GRIN2B: variants seen among roughly 807,000 people sequenced by gnomAD.
GRIN2B encodes the protein glutamate receptor ionotropic, NMDA 2B.
GRIN2B carries 5 observed loss-of-function variants against 114.5 expected under a neutral mutation model. The observed-to-expected ratio is 0.04, with a 90% CI of 0.02 to 0.09. The LOEUF (loss-of-function observed/expected upper bound fraction) is 0.09. Among genes scored for constraint, GRIN2B ranks in the 10% least tolerant of loss-of-function variants. The pLI is 1.00. For missense variants in GRIN2B, 1,108 were observed against 1,943.5 expected, an observed-to-expected ratio of 0.57 and a Z score of 8.08; for synonymous variants, 787 against 745.1, an observed-to-expected ratio of 1.06 and a Z score of -0.92.
intron 4 of GRIN2B, among the ~76,000 whole-genome samples, chr12:13,698,828 G>A (rs575185418): frequency 1.8e-4 from 27 of 152,126 alleles, no homozygotes; most frequent in East Asian, 1.2e-3. Context: ...GACTACAGGC[G>A]CGCACCACCA....
intron 2 of GRIN2B, among the ~76,000 whole-genome samples, chr12:13,872,446 C>T (rs11055656): frequency 1.5e-5 from 2 of 132,766 alleles, no homozygotes; most frequent in Admixed American, 8.1e-5. Flanking sequence ...CAGAGCAAGG[C>T]TCCGACTCAA....
chr12:13,640,041 T>C (rs1949700428), intron 5 of GRIN2B, among the ~76,000 whole-genome samples: 1 of 152,108 alleles, frequency 6.6e-6, no homozygotes, highest in African/African-American at 2.4e-5. Context: ...GAAAAATAAC[T>C]ATTCTGCACT....
At chr12:13,981,071 G>C (rs996096211) in intron 1 of GRIN2B, among the ~76,000 whole-genome samples, 5 of 151,898 alleles carry the variant, frequency 3.3e-5, no homozygotes, top group Non-Finnish European at 7.4e-5. Context: ...GGCCCGGGGC[G>C]CCGCTGCCCT....
chr12:13,736,493 G>A (rs967344288), intron 4 of GRIN2B, among the ~76,000 whole-genome samples: 3 of 152,140 alleles, frequency 2.0e-5, no homozygotes, highest in African/African-American at 7.2e-5. Context: ...AGGATGCAAT[G>A]TAGTAGCTAC....
chr12:13,895,246 G>A (rs1866333842), intron 2 of GRIN2B, among the ~76,000 whole-genome samples: 1 of 152,138 alleles, frequency 6.6e-6, no homozygotes, highest in Non-Finnish European at 1.5e-5. Context: ...CGGTCTGAGA[G>A]GTTTTCCACT....
intron 2 of GRIN2B, among the ~76,000 whole-genome samples, chr12:13,911,204 GA>G (rs953350831): frequency 6.0e-5 from 9 of 150,432 alleles, no homozygotes; most frequent in South Asian, 2.1e-4. Flanking sequence ...GAATTTACAA[GA>G]AAAAAAAATA....
rs1456787364 is a variant in GRIN2B, at chr12:13,563,135, C to G, written c.4103G>C (p.Gly1368Ala). Residue 1368 changes from glycine (G) to alanine (A), a missense_variant, in exon 14 of 14, where the codon GGC (glycine) becomes GCC (alanine). Coordinates refer to ENST00000609686, the MANE Select transcript of GRIN2B (RefSeq NM_000834.5). ...CGACTTGCTGAGCATGTACCCGCCG[C>G]CGGGGTTGTTGTGGTGGTGATGTCC... is the stretch of plus-strand genomic sequence containing the variant. The part of the protein sequence containing the change: ...TAGHHHHNNP[G>A]GGYMLSKSLY... 1 of 1,614,166 alleles carries G rather than the reference C, an allele frequency of 6.2e-7. No homozygotes were observed. The highest frequency in any genetic ancestry group is 8.5e-7 in the Non-Finnish European group (1 of 1,180,034).
intron 4 of GRIN2B, among the ~76,000 whole-genome samples, chr12:13,687,638 T>C (rs1039363507): frequency 6.6e-6 from 1 of 152,370 alleles, no homozygotes; most frequent in South Asian, 2.1e-4. Context: ...CCTGTGTCTT[T>C]AGACAATGAG....
chr12:13,616,710 C>G (rs933615424), intron 5 of GRIN2B, 53 bp from the exon 6 acceptor site: 2 of 1,367,836 alleles, frequency 1.5e-6, no homozygotes, highest in African/African-American at 1.4e-5. Flanking sequence ...ACATAACAAA[C>G]AGCCTGTCCC....
intron 3 of GRIN2B, among the ~76,000 whole-genome samples, chr12:13,763,576 G>A (rs998500750): frequency 2.0e-5 from 3 of 152,084 alleles, no homozygotes; most frequent in Non-Finnish European, 4.4e-5. Flanking sequence ...TGTTCTATAC[G>A]AGATGATTAG....
chr12:13,781,307 C>T (rs1412249273), intron 3 of GRIN2B, among the ~76,000 whole-genome samples: 1 of 152,146 alleles, frequency 6.6e-6, no homozygotes, highest in East Asian at 1.9e-4. Context: ...AAATGTGAAA[C>T]CAACTTCATA....
rs756521548 is a variant in GRIN2B at position 13,753,679 on chromosome 12, G to C, written c.648C>G (p.Ile216Met). 3 of 1,613,754 alleles carry C rather than the reference G, an allele frequency of 1.9e-6. No individual in the cohort carries two copies. The highest frequency in any genetic ancestry group is 2.5e-6 in the Non-Finnish European group (3 of 1,179,684). ...TTTGAAGTTTCTTGAGCTGATTCTGGATCTTAGAATCTCCATCGTCCAGGG... is the reference window on the plus strand; with the variant it reads ...TTTGAAGTTTCTTGAGCTGATTCTGCATCTTAGAATCTCCATCGTCCAGGG... ...DMSLDDGDSK[I>M]QNQLKKLQSP... Residue 216 changes from isoleucine to methionine, a missense_variant, in exon 4 of 14, where the codon ATC becomes ATG. By Grantham distance (10) the Ile-to-Met change is conservative (BLOSUM62 1). This residue lies in a region of GRIN2B where 199 missense variants were observed against 439.6 expected (regional missense o/e 0.45). Coordinates refer to ENST00000609686, the MANE Select transcript of GRIN2B (RefSeq NM_000834.5). This position sits in a 1 kb window ranked among gnomAD's most constrained non-coding sequence, Gnocchi z 6.2.
chr12:13,793,994 G>A (rs998920987), intron 3 of GRIN2B, among the ~76,000 whole-genome samples: 7 of 137,778 alleles, frequency 5.1e-5, no homozygotes, highest in African/African-American at 1.9e-4. Context: ...TTAAGCTCAG[G>A]AGTTAGAGAC....
At chr12:13,880,532 A>C (rs1866055981) in intron 2 of GRIN2B, among the ~76,000 whole-genome samples, 1 of 152,124 alleles carries the variant, frequency 6.6e-6, no homozygotes, top group South Asian at 2.1e-4. Context: ...TGCCTCTGAG[A>C]GCTGTTTAGG....
intron 2 of GRIN2B, among the ~76,000 whole-genome samples, chr12:13,893,562 G>C (rs946127521): frequency 6.6e-6 from 1 of 152,060 alleles, no homozygotes; most frequent in Non-Finnish European, 1.5e-5. Context: ...TGCCAAATCA[G>C]AAAAACTTAA....
At chr12:13,721,193 C>T (rs936408308) in intron 4 of GRIN2B, among the ~76,000 whole-genome samples, 1 of 151,936 alleles carries the variant, frequency 6.6e-6, no homozygotes, top group Non-Finnish European at 1.5e-5. Context: ...CAGGAAGAAG[C>T]TTGGCACATT....
intron 4 of GRIN2B, among the ~76,000 whole-genome samples, chr12:13,697,039 C>T (rs961288499): frequency 2.0e-5 from 3 of 152,110 alleles, no homozygotes; most frequent in African/African-American, 7.2e-5. Flanking sequence ...CTAGAAACTG[C>T]ACAAAGTGGG....
chr12:13,671,566 C>T (rs2136536782), intron 5 of GRIN2B, among the ~76,000 whole-genome samples: 1 of 152,272 alleles, frequency 6.6e-6, no homozygotes, highest in South Asian at 2.1e-4. Context: ...ACATGTATGA[C>T]TCCACTGGGA....
intron 5 of GRIN2B, among the ~76,000 whole-genome samples, chr12:13,641,228 C>T (rs1387487385): frequency 2.0e-5 from 3 of 151,980 alleles, no homozygotes; most frequent in African/African-American, 4.8e-5. Context: ...CCTGCCACCA[C>T]ACCTAGCTAA....
Sources: allele counts gnomAD v4.1 joint callset (sites outside exome capture counted in the v4.1 genomes callset), GRCh38; gene constraint gnomAD v4.1.1; regional missense constraint gnomAD v4.1.1; non-coding constraint Gnocchi (gnomAD v3.1); transcripts MANE v1.5; gene names NCBI Gene and HGNC (gene_info 2026-07-23, HGNC 2026-07-21).